The following TUBGCP5 variants were observed in gnomAD, a reference collection of about 807,000 sequenced individuals.
The protein encoded by TUBGCP5 is gamma-tubulin complex component 5.
In TUBGCP5, 98 loss-of-function variants were observed where a neutral mutation model predicts 134.7. The ratio of observed to expected loss-of-function variants is 0.73; its 90% CI spans 0.62 to 0.86. The LOEUF (loss-of-function observed/expected upper bound fraction) is 0.86, where lower values mean the gene tolerates loss of function less well. Ranked by LOEUF, TUBGCP5 falls within the 40% of genes least tolerant of loss-of-function variation. TUBGCP5 has a pLI of 0.00. For missense variants in TUBGCP5, 1,150 were observed against 1,244.8 expected, an observed-to-expected ratio of 0.92 and a Z score of 1.15; for synonymous variants, 456 against 431.4, an observed-to-expected ratio of 1.06 and a Z score of -0.71.
intron 20 of TUBGCP5, 61 bp from the exon 21 acceptor site, chr15:23,003,214 CTT>C: frequency 6.8e-7 from 1 of 1,479,606 alleles, no homozygotes; most frequent in Admixed American, 1.7e-5. Flanking sequence ...GATACCAACA[CTT>C]TTACCTATTT....
At chr15:23,003,661 T>TA (rs1354038475) in intron 20 of TUBGCP5, among the ~76,000 whole-genome samples, 1 of 125,268 alleles carries the variant, frequency 8.0e-6, no homozygotes, top group Middle Eastern at 3.6e-3. Context: ...TTTTTTTTTT[T>TA]AAGAGACAAG....
intron 1 of TUBGCP5, among the ~76,000 whole-genome samples, chr15:23,038,858 GC>G (rs141108196): frequency 0.2 from 30,379 of 151,936 alleles, 3,497 homozygotes; most frequent in South Asian, 0.27. Flanking sequence ...CGTGCTACGT[GC>G]CAGGAGCTGT....
intron 3 of TUBGCP5, among the ~76,000 whole-genome samples, chr15:23,033,133 T>C (rs2066405238): frequency 6.6e-6 from 1 of 152,176 alleles, no homozygotes; most frequent in Admixed American, 6.5e-5. Flanking sequence ...TGGTTAAAAA[T>C]TATTCTCCTG....
chr15:23,015,789 A>G (rs2065279872), intron 13 of TUBGCP5, among the ~76,000 whole-genome samples: 1 of 152,210 alleles, frequency 6.6e-6, no homozygotes, highest in African/African-American at 2.4e-5. Flanking sequence ...TGGAGACTAT[A>G]CTACTGCATT....
rs185891346 is a variant in TUBGCP5 at position 23,005,048 on chromosome 15, G to A, written c.2712+384C>T. 2.0e-5 allele frequency among the ~76,000 whole-genome samples: 3 copies of A among 152,232 alleles called. No homozygotes were observed. The East Asian group carries it at 5.8e-4, about 29-fold the overall frequency. On this transcript the variant is annotated intron_variant, in intron 19 of 22. Coordinates refer to ENST00000615383, the MANE Select transcript of TUBGCP5 (RefSeq NM_052903.6). The stretch of plus-strand genomic sequence containing the variant: ...TTTTTAAGAAAAAAGTCTATAACCT[G>A]GCTGCATCTTCCTCCCACACACCGT...
At chr15:23,036,260 G>C (rs994537001) in intron 3 of TUBGCP5, among the ~76,000 whole-genome samples, 3 of 152,214 alleles carry the variant, frequency 2.0e-5, no homozygotes, top group East Asian at 3.9e-4. Flanking sequence ...AGTGGCCCTG[G>C]GGGGAGTGGA....
At chr15:22,991,894 C>T in intron 23 of TUBGCP5, among the ~76,000 whole-genome samples, 1 of 152,196 alleles carries the variant, frequency 6.6e-6, no homozygotes, top group Non-Finnish European at 1.5e-5. Context: ...CTTTTTCTTC[C>T]AGGCAAGGCA....
intron 12 of TUBGCP5, among the ~76,000 whole-genome samples, chr15:23,018,313 A>G (rs1167536434): frequency 1.3e-5 from 2 of 152,234 alleles, no homozygotes; most frequent in African/African-American, 4.8e-5. Context: ...CTTTAGAAGA[A>G]GAATAAAAGT....
At chr15:22,993,108 CTTTATT>C (rs1273132255) in intron 23 of TUBGCP5, among the ~76,000 whole-genome samples, 5 of 152,202 alleles carry the variant, frequency 3.3e-5, no homozygotes, top group East Asian at 1.9e-4. Context: ...ATTGGAAACT[CTTTATT>C]TTTGAGATTG....
chr15:23,011,907 G>A (rs1052190924), intron 13 of TUBGCP5, among the ~76,000 whole-genome samples: 1 of 151,042 alleles, frequency 6.6e-6, no homozygotes, highest in South Asian at 2.1e-4. Context: ...CTTAAGCTCA[G>A]GAGTTTGAGA....
At chr15:23,009,444 ATT>A (rs1016961739) in intron 15 of TUBGCP5, among the ~76,000 whole-genome samples, 1 of 151,718 alleles carries the variant, frequency 6.6e-6, no homozygotes, top group African/African-American at 2.4e-5. Flanking sequence ...AATTTTTTGT[ATT>A]TTTAGTAGAG....
chr15:22,992,172 G>A (rs2063865130), intron 23 of TUBGCP5, among the ~76,000 whole-genome samples: 1 of 152,168 alleles, frequency 6.6e-6, no homozygotes, highest in Admixed American at 6.5e-5. Flanking sequence ...AGACAGTCCT[G>A]AAGTTTTACT....
chr15:22,994,707 CT>C (rs1224758110), downstream of TUBGCP5, among the ~76,000 whole-genome samples: 1 of 152,158 alleles, frequency 6.6e-6, no homozygotes, highest in African/African-American at 2.4e-5. Context: ...TTTCATTTCT[CT>C]TGGGTAAACA....
At chr15:22,999,976 T>C in intron 22 of TUBGCP5, 110 bp from the exon 23 acceptor site, 1 of 989,084 alleles carries the variant, frequency 1.0e-6, no homozygotes, top group South Asian at 1.4e-5. Flanking sequence ...AATGGTACAA[T>C]CTCAGCTCAC....
chr15:23,002,792 T>C (rs11855443), intron 21 of TUBGCP5, among the ~76,000 whole-genome samples: 6,985 of 152,112 alleles, frequency 0.046, 422 homozygotes, highest in African/African-American at 0.14. Flanking sequence ...ACGTACACAA[T>C]ATAACATGAG....
intron 13 of TUBGCP5, among the ~76,000 whole-genome samples, chr15:23,016,063 C>T (rs1399087751): frequency 2.0e-5 from 3 of 152,088 alleles, no homozygotes; most frequent in Non-Finnish European, 4.4e-5. Context: ...CTTAAGGAAA[C>T]TCGGTGAGAT....
chr15:23,018,159 C>T, intron 12 of TUBGCP5, 118 bp from the exon 13 acceptor site: 1 of 1,077,034 alleles, frequency 9.3e-7, no homozygotes, highest in Non-Finnish European at 1.3e-6. Flanking sequence ...TAAACTGAAG[C>T]AAACTTTAGG....
At chr15:23,031,570 A>C (rs2066315999) in intron 5 of TUBGCP5, among the ~76,000 whole-genome samples, 1 of 151,990 alleles carries the variant, frequency 6.6e-6, no homozygotes, top group South Asian at 2.1e-4. Flanking sequence ...CGCCTACCTC[A>C]GCCTCCCACA....
chr15:23,031,641 A>T (rs948950273), intron 5 of TUBGCP5, among the ~76,000 whole-genome samples: 1 of 151,864 alleles, frequency 6.6e-6, no homozygotes, highest in African/African-American at 2.4e-5. Flanking sequence ...TTTATTTTTT[A>T]AAAATAGACA....
Sources: gnomAD v4.1 joint callset for allele counts (sites outside exome capture counted in the v4.1 genomes callset) on GRCh38, gnomAD v4.1.1 for gene constraint, MANE v1.5 for transcripts, NCBI Gene and HGNC (gene_info 2026-07-23, HGNC 2026-07-21) for gene names.